Variants in LOC128706665 observed in about 807,000 individuals in gnomAD.
At chr20:10,429,783 A>C in the LOC128706665 span, among the ~76,000 whole-genome samples, 1 of 151,900 alleles carries the variant, frequency 6.6e-6, no homozygotes, top group African/African-American at 2.4e-5. Flanking sequence ...TCCTTGCTTC[A>C]ATTCCAGTAG....
chr20:10,413,898 G>A, the LOC128706665 span: 180 of 419,728 alleles, frequency 4.3e-4, 1 homozygote, highest in African/African-American at 3.3e-3. Context: ...CTCTTCTTTC[G>A]ATATGAAGCT....
chr20:10,431,379 T>C, the LOC128706665 span, among the ~76,000 whole-genome samples: 304 of 152,276 alleles, frequency 2.0e-3, 1 homozygote, highest in African/African-American at 6.9e-3. Context: ...GCTCACTTAG[T>C]GTCTATTAGG....
chr20:10,424,950 G>A, the LOC128706665 span, among the ~76,000 whole-genome samples: 1 of 152,076 alleles, frequency 6.6e-6, no homozygotes, highest in African/African-American at 2.4e-5. Context: ...CTACTCGGGA[G>A]GCTGAGGCAG....
the LOC128706665 span, among the ~76,000 whole-genome samples, chr20:10,417,553 G>A: frequency 1.3e-5 from 2 of 152,322 alleles, no homozygotes; most frequent in Admixed American, 1.3e-4. Flanking sequence ...TGAGGCTGCA[G>A]TGAGCTATGA....
chr20:10,434,146 C>T, the LOC128706665 span: 1 of 146,920 alleles, frequency 6.8e-6, no homozygotes, highest in Non-Finnish European at 1.5e-5. Flanking sequence ...GCCGCCACCG[C>T]CAGAGGCCCC....
At chr20:10,426,256 T>A in the LOC128706665 span, among the ~76,000 whole-genome samples, 7 of 152,210 alleles carry the variant, frequency 4.6e-5, no homozygotes, top group Non-Finnish European at 1.5e-5. Context: ...AAGCAATTCT[T>A]CAAGTCAAGA....
chr20:10,415,635 T>C, the LOC128706665 span, among the ~76,000 whole-genome samples: 3 of 152,358 alleles, frequency 2.0e-5, no homozygotes, highest in East Asian at 5.8e-4. Flanking sequence ...GAGAAATACA[T>C]TTAAATGAAA....
chr20:10,414,594 T>G, the LOC128706665 span, among the ~76,000 whole-genome samples: 18 of 152,198 alleles, frequency 1.2e-4, no homozygotes, highest in Non-Finnish European at 8.8e-5. Flanking sequence ...AAGTCCCAAA[T>G]ATCTTTATTC....
At chr20:10,428,623 G>A in the LOC128706665 span, among the ~76,000 whole-genome samples, 1 of 152,156 alleles carries the variant, frequency 6.6e-6, no homozygotes, top group Non-Finnish European at 1.5e-5. Context: ...TGGATCACTT[G>A]AGGTCAGGAT....
chr20:10,423,293 C>A, the LOC128706665 span, among the ~76,000 whole-genome samples: 3 of 152,060 alleles, frequency 2.0e-5, no homozygotes, highest in South Asian at 6.2e-4. Context: ...GTGGCGCACG[C>A]CTGTAGTTCT....
the LOC128706665 span, among the ~76,000 whole-genome samples, chr20:10,419,952 A>T: frequency 1.2e-3 from 178 of 152,322 alleles, no homozygotes; most frequent in Non-Finnish European, 1.6e-4. Flanking sequence ...CTGCACTGCA[A>T]ATTGCCTCAT....
chr20:10,413,875 T>G, the LOC128706665 span: 1 of 429,372 alleles, frequency 2.3e-6, no homozygotes, highest in Admixed American at 3.9e-5. Flanking sequence ...CTAATCCAAC[T>G]GGTATTTTTC....
the LOC128706665 span, among the ~76,000 whole-genome samples, chr20:10,427,995 C>T: frequency 6.6e-6 from 1 of 152,188 alleles, no homozygotes; most frequent in Non-Finnish European, 1.5e-5. Flanking sequence ...TATCTTATGT[C>T]TTTTGCTATT....
chr20:10,429,497 C>T, the LOC128706665 span, among the ~76,000 whole-genome samples: 4 of 152,184 alleles, frequency 2.6e-5, no homozygotes, highest in Non-Finnish European at 5.9e-5. Flanking sequence ...CACCTTTGAA[C>T]TAACCGTCCC....
chr20:10,421,472 G>A, the LOC128706665 span, among the ~76,000 whole-genome samples: 4 of 151,274 alleles, frequency 2.6e-5, no homozygotes, highest in Admixed American at 2.6e-4. Context: ...AGAATCAAAC[G>A]GTAATCCACA....
At chr20:10,424,618 A>G in the LOC128706665 span, among the ~76,000 whole-genome samples, 1 of 152,208 alleles carries the variant, frequency 6.6e-6, no homozygotes, top group Non-Finnish European at 1.5e-5. Context: ...TATATTTGAT[A>G]TGGTAGTTAG....
At chr20:10,429,935 C>G in the LOC128706665 span, among the ~76,000 whole-genome samples, 1 of 152,168 alleles carries the variant, frequency 6.6e-6, no homozygotes, top group African/African-American at 2.4e-5. Flanking sequence ...TTAATTAATT[C>G]TTTAGGTAAT....
At chr20:10,416,910 A>G in the LOC128706665 span, among the ~76,000 whole-genome samples, 1 of 152,234 alleles carries the variant, frequency 6.6e-6, no homozygotes, top group Non-Finnish European at 1.5e-5. Flanking sequence ...TACAACAGAA[A>G]GCTGAAGGGT....
the LOC128706665 span, among the ~76,000 whole-genome samples, chr20:10,427,546 T>G: frequency 2.0e-5 from 3 of 152,256 alleles, no homozygotes; most frequent in Non-Finnish European, 4.4e-5. Context: ...ATTCTTCATT[T>G]CTGAATTCTC....
Sources: gnomAD v4.1 joint callset for allele counts (sites outside exome capture counted in the v4.1 genomes callset) on GRCh38, gnomAD v4.1.1 for gene constraint, MANE v1.5 for transcripts.